ETV6: variants seen among roughly 807,000 people sequenced by gnomAD.
ETV6 encodes the protein transcription factor ETV6.
A neutral mutation model predicts 51.1 loss-of-function variants in ETV6; 16 were observed. That is an observed-to-expected ratio of 0.31 (90% CI 0.21 to 0.48). ETV6 has a LOEUF of 0.48. Among genes scored for constraint, ETV6 ranks in the 20% least tolerant of loss-of-function variants. The pLI is 0.99. For synonymous variants in ETV6, 240 were observed against 224.1 expected (o/e 1.07, Z -0.64); for missense variants, 458 against 594.8 (o/e 0.77, Z 2.39).
At chr12:11,759,665 G>A (rs1377603449) in intron 2 of ETV6, among the ~76,000 whole-genome samples, 7 of 151,892 alleles carry the variant, frequency 4.6e-5, no homozygotes, top group East Asian at 1.9e-4. Context: ...TCTTTCTCTC[G>A]TCTTGATGGG....
At chr12:11,689,017 A>C (rs1336480279) in intron 1 of ETV6, among the ~76,000 whole-genome samples, 3 of 152,152 alleles carry the variant, frequency 2.0e-5, no homozygotes, top group African/African-American at 7.2e-5. Flanking sequence ...CAGGCTACTT[A>C]CTGCATCTAT....
In ETV6 at chr12:11,892,991, A is replaced by ATTC. The variant is rs1947318713; in HGVS notation, c.*1946_*1948dup. ...CTCCTACTGTCACAGGCGCCCCACC[A>ATTC]TTCAACCTTCCGGGAGGTCAGGGAC... is the stretch of plus-strand genomic sequence containing the variant. On this transcript the variant is annotated 3_prime_UTR_variant, in exon 8 of 8. Coordinates refer to ENST00000396373, the MANE Select transcript of ETV6 (RefSeq NM_001987.5). The ATTC allele has an allele frequency of 4.3e-6, 1 of 232,752 alleles. No homozygotes were observed. Among genetic ancestry groups the ATTC allele is most frequent in the African/African-American group, 2.2e-5 (1 of 45,284 alleles). 14.4% of individuals were successfully genotyped at this position (232,752 alleles called of 1,614,324 possible).
intron 1 of ETV6, among the ~76,000 whole-genome samples, chr12:11,749,813 CCA>C (rs1227392637): frequency 6.6e-6 from 1 of 152,166 alleles, no homozygotes; most frequent in African/African-American, 2.4e-5. Context: ...GCCACCAAGC[CCA>C]GAGTTACCTT....
intron 1 of ETV6, among the ~76,000 whole-genome samples, chr12:11,731,068 T>C (rs1315933609): frequency 2.0e-5 from 3 of 152,216 alleles, no homozygotes; most frequent in Non-Finnish European, 4.4e-5. Flanking sequence ...CACTGCTCTT[T>C]GTGAATGGGA....
chr12:11,825,404 G>T (rs1254226155), intron 2 of ETV6, among the ~76,000 whole-genome samples: 1 of 152,154 alleles, frequency 6.6e-6, no homozygotes, highest in African/African-American at 2.4e-5. Context: ...GAACGGCAAA[G>T]AAATTTCACC....
At chr12:11,704,888 G>GCCA (rs2120854572) in intron 1 of ETV6, among the ~76,000 whole-genome samples, 1 of 152,246 alleles carries the variant, frequency 6.6e-6, no homozygotes, top group East Asian at 1.9e-4. Context: ...CTTGCCATTT[G>GCCA]CCACAACATG....
intron 2 of ETV6, among the ~76,000 whole-genome samples, chr12:11,755,055 C>A (rs1196366436): frequency 6.6e-6 from 1 of 152,124 alleles, no homozygotes; most frequent in African/African-American, 2.4e-5. Flanking sequence ...CACTATACCA[C>A]CAAAAAGTGT....
intron 1 of ETV6, among the ~76,000 whole-genome samples, chr12:11,723,654 C>T (rs1045811816): frequency 2.6e-5 from 4 of 151,818 alleles, no homozygotes; most frequent in East Asian, 1.9e-4. Context: ...AAAAATCAAA[C>T]AGGGTTTATC....
intron 2 of ETV6, among the ~76,000 whole-genome samples, chr12:11,830,536 A>C (rs935047682): frequency 1.3e-5 from 2 of 152,228 alleles, no homozygotes; most frequent in Non-Finnish European, 2.9e-5. Flanking sequence ...TTTGAACTGC[A>C]CAGAGCTGAG....
intron 4 of ETV6, among the ~76,000 whole-genome samples, chr12:11,854,064 G>A (rs566567277): frequency 1.3e-5 from 2 of 151,944 alleles, no homozygotes; most frequent in Admixed American, 6.6e-5. Context: ...CCATAATGTC[G>A]AATCAGTGGG....
chr12:11,865,294 A>G (rs1047078733), intron 4 of ETV6, among the ~76,000 whole-genome samples: 2 of 151,968 alleles, frequency 1.3e-5, no homozygotes, highest in African/African-American at 2.4e-5. Context: ...GTCTCAAAAA[A>G]AGACTATAAA....
intron 2 of ETV6, among the ~76,000 whole-genome samples, chr12:11,820,846 G>A (rs561369126): frequency 6.6e-6 from 1 of 152,308 alleles, no homozygotes; most frequent in South Asian, 2.1e-4. Flanking sequence ...GAGGAGTGAT[G>A]TGATTTGAAT....
chr12:11,771,311 G>A (rs1367065738), intron 2 of ETV6, among the ~76,000 whole-genome samples: 3 of 152,244 alleles, frequency 2.0e-5, no homozygotes, highest in Admixed American at 6.5e-5. Flanking sequence ...GGGAGCCATT[G>A]CTGTGTGTCA....
chr12:11,773,765 C>T (rs564072455), intron 2 of ETV6, among the ~76,000 whole-genome samples: 1 of 152,334 alleles, frequency 6.6e-6, no homozygotes, highest in South Asian at 2.1e-4. Flanking sequence ...AAAACATAAA[C>T]AGACCCTAGA....
intron 1 of ETV6, among the ~76,000 whole-genome samples, chr12:11,736,722 C>T (rs554024337): frequency 3.9e-4 from 59 of 152,210 alleles, no homozygotes; most frequent in Non-Finnish European, 6.9e-4. Context: ...GGGCGGTGAG[C>T]GCATCTACTG....
At chr12:11,707,182 A>G (rs1012833245) in intron 1 of ETV6, among the ~76,000 whole-genome samples, 3 of 152,204 alleles carry the variant, frequency 2.0e-5, no homozygotes, top group Admixed American at 2.0e-4. Flanking sequence ...GCAGCTGTGT[A>G]AAGGAGGCTA....
intron 1 of ETV6, among the ~76,000 whole-genome samples, chr12:11,670,894 C>A (rs1234600974): frequency 6.6e-6 from 1 of 152,150 alleles, no homozygotes; most frequent in Non-Finnish European, 1.5e-5. Context: ...GGGTTCTAAT[C>A]ATTTATAACG....
chr12:11,685,511 C>CT (rs951724361), intron 1 of ETV6, among the ~76,000 whole-genome samples: 1 of 151,808 alleles, frequency 6.6e-6, no homozygotes, highest in African/African-American at 2.4e-5. Flanking sequence ...AAAGTGACAA[C>CT]TTTTTTTTCT....
At chr12:11,733,802 G>A (rs1865648546) in intron 1 of ETV6, among the ~76,000 whole-genome samples, 1 of 152,184 alleles carries the variant, frequency 6.6e-6, no homozygotes, top group Admixed American at 6.5e-5. Flanking sequence ...ATACTGAAGA[G>A]TTTACTTGTA....
Sources: gnomAD v4.1 joint callset for allele counts (sites outside exome capture counted in the v4.1 genomes callset) on GRCh38, gnomAD v4.1.1 for gene constraint, MANE v1.5 for transcripts, NCBI Gene and HGNC (gene_info 2026-07-23, HGNC 2026-07-21) for gene names.